Variants in ACBD6 observed in about 807,000 individuals in gnomAD.
ACBD6 encodes acyl-CoA-binding domain-containing protein 6.
A neutral mutation model predicts 37.2 loss-of-function variants in ACBD6; 28 were observed. The observed-to-expected ratio is 0.75, with a 90% confidence interval of 0.56 to 1.03. The LOEUF (loss-of-function observed/expected upper bound fraction) is 1.03, where lower values mean the gene tolerates loss of function less well. Ranked by LOEUF, ACBD6 falls within the 50% of genes least tolerant of loss-of-function variation. ACBD6 has a pLI of 0.00. For missense variants in ACBD6, 340 were observed against 337.4 expected, an observed-to-expected ratio of 1.01 and a Z score of -0.06; for synonymous variants, 113 against 126.8, an observed-to-expected ratio of 0.89 and a Z score of 0.73.
intron 4 of ACBD6, among the ~76,000 whole-genome samples, chr1:180,426,029 T>C (rs1470164834): frequency 6.6e-6 from 1 of 152,232 alleles, no homozygotes; most frequent in African/African-American, 2.4e-5. Flanking sequence ...AAAGCATCTC[T>C]TTGAAATTCT....
chr1:180,293,118 T>C (rs561202708), intron 7 of ACBD6, among the ~76,000 whole-genome samples: 2 of 152,312 alleles, frequency 1.3e-5, no homozygotes, highest in East Asian at 1.9e-4. Context: ...TAGGTTCAAT[T>C]TGCTAACATC....
chr1:180,444,286 C>CAAAAAAAAAAAAAAA lies in ACBD6; in HGVS notation c.385-14025_385-14024insTTTTTTTTTTTTTTT, dbSNP rs71719682. On this transcript the variant is annotated intron_variant, in intron 3 of 7. Coordinates refer to ENST00000367595, the MANE Select transcript of ACBD6 (RefSeq NM_032360.4). The stretch of plus-strand genomic sequence containing the variant: ...GCGACAGAGTGAGATTCCGTCTCTC[C>CAAAAAAAAAAAAAAA]AAAAAAAAAAAAAAGAAAGTACTTT... 2.9e-3 allele frequency among the ~76,000 whole-genome samples: 328 copies of CAAAAAAAAAAAAAAA among 114,588 alleles called. 2 individuals are homozygous for CAAAAAAAAAAAAAAA. The highest frequency in any genetic ancestry group is 9.7e-3 in the African/African-American group (316 of 32,492). 75.2% of individuals were successfully genotyped at this position (114,588 alleles called of 152,430 possible). A position where few individuals can be genotyped will look rare whatever the true frequency, so the allele number is the denominator to read the frequency against.
At chr1:180,473,533 T>C (rs1405531493) in intron 3 of ACBD6, among the ~76,000 whole-genome samples, 1 of 151,386 alleles carries the variant, frequency 6.6e-6, no homozygotes, top group Non-Finnish European at 1.5e-5. Context: ...AACTTTAAAA[T>C]GTCTCTATCT....
At position 180,487,874 on chromosome 1, in the gene ACBD6, G is replaced by A. The variant is rs572239057; in HGVS notation, c.384+4395C>T. Among the ~76,000 whole-genome samples the A allele has an allele frequency of 2.6e-5, 4 of 152,278 alleles. No individual in the cohort carries two copies. In the South Asian group the frequency reaches 8.3e-4, roughly 32 times the overall value. ...TAGAAGACAAAAACATTTACTTTGT[G>A]GATTGAAGACATGCACAGAAATGTT... On this transcript the variant is annotated intron_variant, in intron 3 of 7. Transcript: ENST00000367595.
At chr1:180,420,213 T>C (rs1309632980) in intron 4 of ACBD6, among the ~76,000 whole-genome samples, 1 of 152,210 alleles carries the variant, frequency 6.6e-6, no homozygotes, top group Non-Finnish European at 1.5e-5. Flanking sequence ...TCAAGATCTA[T>C]ATCTTAAAAC....
Position 180,288,454 on chromosome 1 carries a change from A to C in ACBD6, c.758T>G (p.Leu253Arg), listed in dbSNP as rs751388842. ...TGGCAGGCAGCCATCCTGGTCTCGG[A>C]GAGTGGGGTCAGCACCAGACTGGAG... ...LLLQSGADPT[L>R]RDQDGCLPEE... is the part of the protein sequence containing the mutation. The change falls in exon 8 of 8, where the codon CTC becomes CGC. Residue 253 changes from leucine to arginine, a missense_variant. Leu to Arg is a moderately radical substitution (Grantham distance 102). Transcript: ENST00000367595. 3 of 1,613,784 alleles carry C rather than the reference A, an allele frequency of 1.9e-6. No individual in the cohort carries two copies. Among genetic ancestry groups the C allele is most frequent in the Non-Finnish European group, 1.7e-6 (2 of 1,179,972 alleles).
At chr1:180,492,144 T>C in intron 3 of ACBD6, 125 bp downstream of exon 3, 1 of 752,946 alleles carries the variant, frequency 1.3e-6, no homozygotes, top group Non-Finnish European at 2.2e-6. Context: ...TACAATAACT[T>C]TAAAATATTT....
At chr1:180,357,919 A>G (rs940740027) in intron 6 of ACBD6, among the ~76,000 whole-genome samples, 1 of 152,178 alleles carries the variant, frequency 6.6e-6, no homozygotes, top group African/African-American at 2.4e-5. Context: ...TAACTCTTGA[A>G]TTTGGGGTAA....
intron 3 of ACBD6, among the ~76,000 whole-genome samples, chr1:180,448,096 A>C (rs764384579): frequency 1.9e-4 from 29 of 152,206 alleles, no homozygotes; most frequent in Non-Finnish European, 2.8e-4. Context: ...TTAACTAGCT[A>C]CATTAGAATA....
chr1:180,450,902 T>C (rs941179177), intron 3 of ACBD6, among the ~76,000 whole-genome samples: 2 of 152,094 alleles, frequency 1.3e-5, no homozygotes, highest in Non-Finnish European at 2.9e-5. Flanking sequence ...TTTGGCTTAA[T>C]ATAAAAAGAA....
chr1:180,291,517 T>C (rs1423439425), intron 7 of ACBD6, among the ~76,000 whole-genome samples: 1 of 152,230 alleles, frequency 6.6e-6, no homozygotes, highest in Non-Finnish European at 1.5e-5. Context: ...TCTTTGGTGA[T>C]TTATCTGTTC....
intron 6 of ACBD6, among the ~76,000 whole-genome samples, chr1:180,329,382 T>G (rs73046443): frequency 6.6e-6 from 1 of 152,188 alleles, no homozygotes; most frequent in Non-Finnish European, 1.5e-5. Flanking sequence ...TCATTTATCC[T>G]TTATTATTAT....
At chr1:180,274,644 G>C in intron 10 of ACBD6, 1 of 1,477,300 alleles carries the variant, frequency 6.8e-7, no homozygotes, top group South Asian at 1.4e-5. Context: ...GATCAAAAGA[G>C]ACTTGCCTTT....
rs1460911585 is a variant in ACBD6, at chr1:180,313,311, A to G, written c.694+1381T>C. 2.6e-5 allele frequency among the ~76,000 whole-genome samples: 4 copies of G among 152,174 alleles called. No individual in the cohort carries two copies. The East Asian group carries it at 7.7e-4, about 29-fold the overall frequency. On this transcript the variant is annotated intron_variant, in intron 7 of 7. Transcript: ENST00000367595. The stretch of plus-strand genomic sequence containing the variant: ...AGTGAGTTGAGGCTGGCAGTTGGTG[A>G]CAGACATTTCAACCTCAATTATTAG...
chr1:180,399,638 T>A (rs10913982), intron 5 of ACBD6, among the ~76,000 whole-genome samples: 73,943 of 152,096 alleles, frequency 0.49, 20,813 homozygotes, highest in South Asian at 0.66. Flanking sequence ...CTAGAGCAGT[T>A]TCCTATGTTA....
Position 180,318,812 on chromosome 1 carries a change from C to T in ACBD6, c.664-4090G>A, listed in dbSNP as rs540546633. 2.6e-5 allele frequency among the ~76,000 whole-genome samples: 4 copies of T among 152,278 alleles called. No individual in the cohort carries two copies. The South Asian group carries it at 8.3e-4, about 32-fold the overall frequency. ...CCCATAGGTATTGAGACTGCCAAAT[C>T]CTTTCAGAGCAGCCCAGTGTTGGTT... On this transcript the variant is annotated intron_variant, in intron 6 of 7. Transcript: ENST00000367595.
intron 3 of ACBD6, among the ~76,000 whole-genome samples, chr1:180,480,901 T>C (rs1651010253): frequency 6.6e-6 from 1 of 151,924 alleles, no homozygotes; most frequent in Non-Finnish European, 1.5e-5. Context: ...CATGGTGGCA[T>C]GTGCCTGTAG....
intron 3 of ACBD6, among the ~76,000 whole-genome samples, chr1:180,473,218 C>T (rs569076688): frequency 6.6e-6 from 1 of 151,968 alleles, no homozygotes; most frequent in African/African-American, 2.4e-5. Context: ...GAGGCCGAGG[C>T]GGGCGGATCA....
chr1:180,434,726 C>T, intron 3 of ACBD6: 1 of 519,990 alleles, frequency 1.9e-6, no homozygotes, highest in South Asian at 2.0e-5. Flanking sequence ...TATTAATAAA[C>T]TAGGAATAGA....
Sources: gnomAD v4.1 joint callset for allele counts (sites outside exome capture counted in the v4.1 genomes callset) on GRCh38, gnomAD v4.1.1 for gene constraint, MANE v1.5 for transcripts, NCBI Gene and HGNC (gene_info 2026-07-23, HGNC 2026-07-21) for gene names.